EIF5B: variants seen among roughly 807,000 people sequenced by gnomAD.
EIF5B encodes the protein eukaryotic translation initiation factor 5B.
Under a neutral mutation model 147.5 loss-of-function variants are expected in EIF5B, and 47 were observed. That is an observed-to-expected ratio of 0.32 (90% CI 0.25 to 0.41). EIF5B has a LOEUF of 0.41. Among genes scored for constraint, EIF5B ranks in the 10% least tolerant of loss-of-function variants. The pLI, the probability that EIF5B is intolerant of heterozygous loss-of-function variation, is 1.00. For synonymous variants in EIF5B, 455 were observed against 456.2 expected (o/e 1.00, Z 0.03); for missense variants, 1,064 against 1,413.2 (o/e 0.75, Z 3.96).
At chr2:99,382,338 A>T in intron 13 of EIF5B, 112 bp downstream of exon 13, 1 of 785,280 alleles carries the variant, frequency 1.3e-6, no homozygotes, top group Non-Finnish European at 2.1e-6. Context: ...TATAACTACC[A>T]CTCCACCTTT....
At chr2:99,378,445 A>G (rs1414791810) in intron 10 of EIF5B, among the ~76,000 whole-genome samples, 1 of 152,220 alleles carries the variant, frequency 6.6e-6, no homozygotes, top group East Asian at 1.9e-4. Context: ...TGGTGTTCAT[A>G]AAGTGGTAGA....
rs376574073 is a variant in EIF5B at position 99,338,993 on chromosome 2, A to AATATATATATACAAATATAT, written c.35+1417_35+1418insAATATATATATATATATACA. ...ATATATATATACAAATATATACACA[A>AATATATATATACAAATATAT]ATATATATATACATTTTTTTTTTTT... On this transcript the variant is annotated intron_variant, in intron 1 of 23. Transcript: ENST00000289371. Among the ~76,000 whole-genome samples the AATATATATATACAAATATAT allele has an allele frequency of 1.2e-4, 16 of 132,726 alleles. 1 individual carries two copies. The highest frequency in any genetic ancestry group is 4.7e-4 in the South Asian group (2 of 4,236). The allele number at this position is 132,726 out of a possible 152,430, so 87.1% of individuals were successfully genotyped here.
intron 12 of EIF5B, among the ~76,000 whole-genome samples, chr2:99,381,539 G>GTGTGTGTA (rs1156259614): frequency 2.0e-5 from 3 of 151,726 alleles, no homozygotes; most frequent in Non-Finnish European, 2.9e-5. Flanking sequence ...GTGTGTGTGT[G>GTGTGTGTA]TGTGTGTGTG....
At chr2:99,360,747 T>C (rs1674193731) in intron 3 of EIF5B, among the ~76,000 whole-genome samples, 198 bp downstream of exon 3, 1 of 152,220 alleles carries the variant, frequency 6.6e-6, no homozygotes, top group African/African-American at 2.4e-5. Flanking sequence ...ATAAAATTGG[T>C]ACATTTGGAG....
chr2:99,385,111 A>G (rs1005412882), intron 14 of EIF5B, among the ~76,000 whole-genome samples: 6 of 152,128 alleles, frequency 3.9e-5, no homozygotes, highest in African/African-American at 1.4e-4. Context: ...CAGTGCTGCA[A>G]TCTCAGCTCA....
intron 4 of EIF5B, among the ~76,000 whole-genome samples, chr2:99,362,074 T>C (rs974494586): frequency 6.7e-6 from 1 of 148,512 alleles, no homozygotes; most frequent in African/African-American, 2.4e-5. Flanking sequence ...ATGAAAACTA[T>C]TTTTTTTGCT....
chr2:99,357,717 T>C (rs918346635), intron 1 of EIF5B, among the ~76,000 whole-genome samples: 3 of 152,174 alleles, frequency 2.0e-5, no homozygotes, highest in Admixed American at 1.3e-4. Context: ...AACTTCAGCC[T>C]TCTCTTCTCA....
intron 21 of EIF5B, among the ~76,000 whole-genome samples, chr2:99,395,116 CTTG>C (rs1336855186): frequency 1.3e-5 from 2 of 152,162 alleles, no homozygotes; most frequent in East Asian, 3.9e-4. Context: ...AGACTTGGGT[CTTG>C]TTAATGGGTT....
Position 99,398,806 on chromosome 2 carries a change from C to CA in EIF5B, c.3459dup (p.Gly1154ArgfsTer14). ...ATAAACCATAAACAAGTGGATGTTG[C>CA]AAAAAAAGGACAAGAAGTTTGTGTA... On this transcript the variant is annotated frameshift_variant, in exon 23 of 24. Transcript: ENST00000289371. LOFTEE classifies it high-confidence loss of function. The CA allele has an allele frequency of 6.2e-7, 1 of 1,613,284 alleles. No homozygotes were observed. Among genetic ancestry groups the CA allele is most frequent in the Non-Finnish European group, 8.5e-7 (1 of 1,179,694 alleles).
chr2:99,380,600 A>C (rs1281173576), intron 12 of EIF5B, among the ~76,000 whole-genome samples: 1 of 152,178 alleles, frequency 6.6e-6, no homozygotes, highest in African/African-American at 2.4e-5. Context: ...ATAATTCCTC[A>C]GTTTCATTAT....
At chr2:99,338,109 G>A (rs2094248299) in intron 1 of EIF5B, among the ~76,000 whole-genome samples, 1 of 152,172 alleles carries the variant, frequency 6.6e-6, no homozygotes, top group Admixed American at 6.5e-5. Flanking sequence ...TTTGGATACA[G>A]TTTTCGTTTA....
At chr2:99,369,726 A>T (rs541805496) in intron 8 of EIF5B, among the ~76,000 whole-genome samples, 4 of 152,192 alleles carry the variant, frequency 2.6e-5, no homozygotes, top group Non-Finnish European at 5.9e-5. Context: ...TGTAGAAAGG[A>T]TACACTTTGG....
rs866550212 is a variant in EIF5B, at chr2:99,363,801, A to C, written c.1076A>C (p.Lys359Thr). 6.2e-7 allele frequency: 1 copy of C among 1,614,082 alleles called. No homozygotes were observed. Among genetic ancestry groups the C allele is most frequent in the Non-Finnish European group, 8.5e-7 (1 of 1,180,014 alleles). Residue 359 changes from lysine to threonine, a missense_variant, in exon 5 of 24, where the codon AAG (lysine) becomes ACG (threonine). By Grantham distance (78) the Lys-to-Thr change is moderately conservative. Around this residue, in one of 4 missense-constraint regions of EIF5B, gnomAD observed 458 missense variants for 451.3 expected, o/e 1.01. Coordinates refer to ENST00000289371, the MANE Select transcript of EIF5B (RefSeq NM_015904.4). ...AKLKEEEERQ[K>T]REEEERIKRL... is the part of the protein sequence containing the mutation. ...CTTAAAGAGGAAGAAGAAAGACAGA[A>C]GAGAGAAGAGGAAGAACGTATAAAA...
chr2:99,360,455 C>T lies in EIF5B; in HGVS notation c.162-10C>T. 1 of 1,611,734 alleles carries T rather than the reference C, an allele frequency of 6.2e-7. No individual in the cohort carries two copies. The highest frequency in any genetic ancestry group is 8.5e-7 in the Non-Finnish European group (1 of 1,179,026). Reference sequence around the variant, plus strand: ...CCAGTGCTTCACAATGTATTTTAATCCTTTTCTAGTGAAGATGATATCCTG... The same window carrying T: ...CCAGTGCTTCACAATGTATTTTAATTCTTTTCTAGTGAAGATGATATCCTG... On this transcript the variant is annotated splice_polypyrimidine_tract_variant and intron_variant, in intron 2 of 23. Coordinates refer to ENST00000289371, the MANE Select transcript of EIF5B (RefSeq NM_015904.4).
intron 1 of EIF5B, among the ~76,000 whole-genome samples, chr2:99,353,054 G>T: frequency 8.9e-6 from 1 of 112,872 alleles, no homozygotes; most frequent in African/African-American, 3.5e-5. Context: ...TCACTCTGTT[G>T]CCCAGGCTGG....
Position 99,361,811 on chromosome 2 carries a change from G to C in EIF5B, c.910G>C (p.Ala304Pro). The change falls in exon 4 of 24, where the codon GCT becomes CCT. Residue 304 changes from alanine to proline, a missense_variant. This residue lies in a region of EIF5B where 458 missense variants were observed against 451.3 expected (regional missense o/e 1.01). Coordinates refer to ENST00000289371, the MANE Select transcript of EIF5B (RefSeq NM_015904.4). ...TGAAGAGAAAGCAGAGACTCCCACA[G>C]CTGCAGAAGGTTGGTTAATACTTTA... ...ASEEKAETPT[A>P]AEDDNEGDKK... The C allele has an allele frequency of 6.5e-7, 1 of 1,543,538 alleles. No individual in the cohort carries two copies. Among genetic ancestry groups the C allele is most frequent in the Non-Finnish European group, 8.6e-7 (1 of 1,156,156 alleles).
chr2:99,373,013 T>C (rs1674485161), intron 9 of EIF5B, among the ~76,000 whole-genome samples: 1 of 152,202 alleles, frequency 6.6e-6, no homozygotes, highest in South Asian at 2.1e-4. Context: ...CTGTTAATTT[T>C]TGCTTTATGT....
In EIF5B at chr2:99,401,025, G is replaced by GTAAA; in HGVS notation, c.*1614_*1617dup. On this transcript the variant is annotated 3_prime_UTR_variant, in exon 24 of 24. Coordinates refer to ENST00000289371, the MANE Select transcript of EIF5B (RefSeq NM_015904.4). Reference sequence around the variant, plus strand: ...ATAAAACTTTATAAACAAACATTTTGTAAATAGAATCTATGCTACAGTAAA... The same window carrying GTAAA: ...ATAAAACTTTATAAACAAACATTTTGTAAATAAATAGAATCTATGCTACAGTAAA... The GTAAA allele has an allele frequency of 2.9e-6, 1 of 341,830 alleles. No individual in the cohort carries two copies. Among genetic ancestry groups the GTAAA allele is most frequent in the Admixed American group, 4.2e-5 (1 of 23,786 alleles). The allele number at this position is 341,830 out of a possible 1,614,324, so 21.2% of individuals were successfully genotyped here.
chr2:99,360,587 A>G, intron 3 of EIF5B, 38 bp downstream of exon 3: 1 of 1,587,610 alleles, frequency 6.3e-7, no homozygotes, highest in Non-Finnish European at 8.6e-7. Context: ...CGTATTTCGT[A>G]TTCTATTCTT....
Sources: allele counts gnomAD v4.1 joint callset (sites outside exome capture counted in the v4.1 genomes callset), GRCh38; gene constraint gnomAD v4.1.1; regional missense constraint gnomAD v4.1.1; transcripts MANE v1.5; gene names NCBI Gene and HGNC (gene_info 2026-07-23, HGNC 2026-07-21).